PPP1R2: variants seen among roughly 807,000 people sequenced by gnomAD.
The protein encoded by PPP1R2 is protein phosphatase inhibitor 2.
A neutral mutation model predicts 29.9 loss-of-function variants in PPP1R2; 16 were observed. That is an observed-to-expected ratio of 0.53 (90% confidence interval 0.36 to 0.81). The LOEUF (loss-of-function observed/expected upper bound fraction) is 0.81, where lower values mean the gene tolerates loss of function less well. Among genes scored for constraint, PPP1R2 ranks in the 30% least tolerant of loss-of-function variants. The probability of loss-of-function intolerance (pLI) is 0.00; values close to 1 mark genes in which losing one functional copy is unlikely to be tolerated. For synonymous variants in PPP1R2, 76 were observed against 91.5 expected (o/e 0.83, Z 0.96); for missense variants, 197 against 252.7 (o/e 0.78, Z 1.49).
At chr3:195,525,644 A>G (rs1718944061) in intron 2 of PPP1R2, among the ~76,000 whole-genome samples, 2 of 152,194 alleles carry the variant, frequency 1.3e-5, no homozygotes, top group African/African-American at 2.4e-5. Flanking sequence ...ATTCGATCCC[A>G]AAGATCTAAT....
At chr3:195,517,524 T>C (rs143919254) in intron 5 of PPP1R2, among the ~76,000 whole-genome samples, 217 of 152,294 alleles carry the variant, frequency 1.4e-3, no homozygotes, top group Non-Finnish European at 2.3e-3. Flanking sequence ...CAAGGTGTAC[T>C]TCATCTCCAG....
intron 1 of PPP1R2, among the ~76,000 whole-genome samples, chr3:195,540,013 G>C (rs899051056): frequency 1.3e-5 from 2 of 152,154 alleles, no homozygotes; most frequent in Non-Finnish European, 1.5e-5. Flanking sequence ...CTGGGGGATG[G>C]GTAGGAGTCA....
At chr3:195,517,887 CA>C (rs770349634) in intron 5 of PPP1R2, among the ~76,000 whole-genome samples, 2 of 152,090 alleles carry the variant, frequency 1.3e-5, no homozygotes, top group Non-Finnish European at 2.9e-5. Context: ...TACGGAATAA[CA>C]AAAAGTACTG....
At chr3:195,529,511 A>T in intron 2 of PPP1R2, 1 of 229,082 alleles carries the variant, frequency 4.4e-6, no homozygotes, top group Non-Finnish European at 8.4e-6. Flanking sequence ...CCTTTCATGG[A>T]AGTTAAAACT....
chr3:195,521,277 T>C (rs1396182283), intron 4 of PPP1R2, among the ~76,000 whole-genome samples: 11 of 118,796 alleles, frequency 9.3e-5, no homozygotes, highest in Admixed American at 4.9e-4. Flanking sequence ...ATCGCGCCAC[T>C]GCACTCCAGC....
intron 1 of PPP1R2, 50 bp downstream of exon 1, chr3:195,542,854 C>A: frequency 6.4e-7 from 1 of 1,554,936 alleles, no homozygotes; most frequent in Non-Finnish European, 8.7e-7. Context: ...GGGTAGGTAA[C>A]GGGCCCGGCG....
chr3:195,524,910 C>T lies in PPP1R2; in HGVS notation c.231-14G>A. 6.2e-7 allele frequency: 1 copy of T among 1,608,170 alleles called. No homozygotes were observed. The highest frequency in any genetic ancestry group is 8.5e-7 in the Non-Finnish European group (1 of 1,174,796). On this transcript the variant is annotated splice_polypyrimidine_tract_variant and intron_variant, in intron 2 of 5. Coordinates refer to ENST00000618156, the MANE Select transcript of PPP1R2 (RefSeq NM_006241.8). ...TCCCCCATCATACTAGTATGACAAG[C>T]ACATTGTAATTAATACCTGAAACAT... is the stretch of plus-strand genomic sequence containing the variant.
Position 195,543,075 on chromosome 3 carries a change from C to T in PPP1R2, c.-50G>A, listed in dbSNP as rs373331971. The T allele has an allele frequency of 6.4e-7, 1 of 1,568,874 alleles. No homozygotes were observed. The highest frequency in any genetic ancestry group is 8.6e-7 in the Non-Finnish European group (1 of 1,157,912). ...CAGGGTCGCTGCTTGGCGTGGGGTC[C>T]GCGAAGAGAAGGGTCGGCACAGCAG... is the stretch of plus-strand genomic sequence containing the variant. On this transcript the variant is annotated 5_prime_UTR_variant, in exon 1 of 6. Coordinates refer to ENST00000618156, the MANE Select transcript of PPP1R2 (RefSeq NM_006241.8).
intron 4 of PPP1R2, among the ~76,000 whole-genome samples, chr3:195,522,763 T>C (rs1487360914): frequency 1.3e-5 from 2 of 152,220 alleles, no homozygotes; most frequent in Admixed American, 6.5e-5. Context: ...TAGGAAAGAC[T>C]AGTAAATGAT....
rs539583423 is a variant in PPP1R2 at position 195,516,570 on chromosome 3, C to T, written c.*326G>A. ...AAGTGATGAAAATAAATTAGTTCCC[C>T]CCCAAAGATATTGTTTAACTTCTAA... is the stretch of plus-strand genomic sequence containing the variant. On this transcript the variant is annotated 3_prime_UTR_variant, in exon 6 of 6. Transcript: ENST00000618156. 96 of 234,834 alleles carry T rather than the reference C, an allele frequency of 4.1e-4. No homozygotes were observed. The highest frequency in any genetic ancestry group is 2.1e-3 in the African/African-American group (92 of 44,360). 14.5% of individuals were successfully genotyped at this position (234,834 alleles called of 1,614,324 possible). A position where few individuals can be genotyped will look rare whatever the true frequency, so the allele number is the denominator to read the frequency against.
intron 3 of PPP1R2, 144 bp from the exon 4 acceptor site, chr3:195,523,930 G>A (rs1335210408): frequency 2.7e-6 from 2 of 742,040 alleles, no homozygotes; most frequent in Non-Finnish European, 4.5e-6. Context: ...AAAGGCAAGA[G>A]AGCAGAAACG....
intron 3 of PPP1R2, among the ~76,000 whole-genome samples, chr3:195,524,451 G>C (rs930536625): frequency 1.3e-5 from 2 of 152,166 alleles, no homozygotes; most frequent in Admixed American, 1.3e-4. Context: ...CTTGAACTTG[G>C]GAGGTGGAGG....
intron 5 of PPP1R2, 57 bp from the exon 6 acceptor site, chr3:195,516,999 A>G: frequency 7.0e-7 from 1 of 1,432,318 alleles, no homozygotes; most frequent in Non-Finnish European, 9.8e-7. Flanking sequence ...AACCCTGGCT[A>G]AAGTTCCCTT....
chr3:195,522,149 C>T (rs759536572), intron 4 of PPP1R2, among the ~76,000 whole-genome samples: 4 of 152,198 alleles, frequency 2.6e-5, no homozygotes, highest in African/African-American at 9.7e-5. Flanking sequence ...TGCTTTAACT[C>T]ATTTAGTAGT....
chr3:195,532,949 T>C (rs1312502749), intron 1 of PPP1R2, among the ~76,000 whole-genome samples: 1 of 152,230 alleles, frequency 6.6e-6, no homozygotes, highest in Non-Finnish European at 1.5e-5. Context: ...GGATCTGCAG[T>C]TGGATCATAA....
chr3:195,522,920 TTA>T (rs1164284941), intron 4 of PPP1R2, among the ~76,000 whole-genome samples: 1 of 152,238 alleles, frequency 6.6e-6, no homozygotes, highest in African/African-American at 2.4e-5. Context: ...TGTGCTTTTC[TTA>T]TATCTTTCCC....
intron 4 of PPP1R2, among the ~76,000 whole-genome samples, chr3:195,520,055 G>A (rs1718695330): frequency 2.0e-5 from 3 of 151,910 alleles, no homozygotes; most frequent in Admixed American, 2.0e-4. Context: ...TAATTGCCCA[G>A]GCTGGAGTGC....
At chr3:195,524,648 T>C (rs1316063306) in intron 3 of PPP1R2, among the ~76,000 whole-genome samples, 171 bp downstream of exon 3, 1 of 151,988 alleles carries the variant, frequency 6.6e-6, no homozygotes, top group Non-Finnish European at 1.5e-5. Context: ...TAAAAGTTGG[T>C]GACTCAGAAG....
intron 2 of PPP1R2, chr3:195,527,781 C>G (rs1238582749): frequency 5.3e-6 from 1 of 188,398 alleles, no homozygotes; most frequent in Non-Finnish European, 1.1e-5. Flanking sequence ...GAGGGAGGAT[C>G]ACTTGAGTCG....
Sources: allele counts gnomAD v4.1 joint callset (sites outside exome capture counted in the v4.1 genomes callset), GRCh38; gene constraint gnomAD v4.1.1; transcripts MANE v1.5; gene names NCBI Gene and HGNC (gene_info 2026-07-23, HGNC 2026-07-21).